Variants in TANC1 observed in about 807,000 individuals in gnomAD.
The protein encoded by TANC1 is protein TANC1.
TANC1 carries 77 observed loss-of-function variants against 149.7 expected under a neutral mutation model. That is an observed-to-expected ratio of 0.51 (90% CI 0.43 to 0.62). The LOEUF is 0.62. Ranked by LOEUF, TANC1 falls within the 20% of genes least tolerant of loss-of-function variation. The pLI is 0.00. For synonymous variants in TANC1, 854 were observed against 925.0 expected (o/e 0.92, Z 1.39); for missense variants, 1,985 against 2,321.8 (o/e 0.85, Z 2.98).
At position 159,231,506 on chromosome 2, in the gene TANC1, T is replaced by A. The variant is rs2151013200; in HGVS notation, c.*494T>A. ...ACATAAAAATTAAGTTCTGAGTGAG[T>A]TCTAGCTAAATATAAGTGCGACTGT... On this transcript the variant is annotated 3_prime_UTR_variant, in exon 27 of 27. Coordinates refer to ENST00000263635, the MANE Select transcript of TANC1 (RefSeq NM_033394.3). The A allele has an allele frequency of 6.4e-6, 1 of 155,666 alleles. No individual in the cohort carries two copies. The highest frequency in any genetic ancestry group is 6.2e-5 in the Admixed American group (1 of 16,064). The allele number at this position is 155,666 out of a possible 1,614,324, so 9.6% of individuals were successfully genotyped here. A position where few individuals can be genotyped will look rare whatever the true frequency, so the allele number is the denominator to read the frequency against.
chr2:159,120,207 T>G (rs1427984914), intron 4 of TANC1, among the ~76,000 whole-genome samples: 1 of 152,158 alleles, frequency 6.6e-6, no homozygotes, highest in Non-Finnish European at 1.5e-5. Context: ...CAATAGTGTA[T>G]GTGCTGTGGG....
chr2:159,101,724 C>T (rs1440714584), intron 4 of TANC1, among the ~76,000 whole-genome samples: 1 of 152,134 alleles, frequency 6.6e-6, no homozygotes, highest in African/African-American at 2.4e-5. Context: ...AAGCTCATTT[C>T]CTGTGATTTA....
intron 14 of TANC1, among the ~76,000 whole-genome samples, chr2:159,180,243 G>C (rs1337749558): frequency 6.6e-6 from 1 of 152,186 alleles, no homozygotes; most frequent in Admixed American, 6.5e-5. Context: ...TAACATCCAG[G>C]TTATTTAGCC....
At chr2:159,007,951 T>A (rs1451712752) in intron 2 of TANC1, among the ~76,000 whole-genome samples, 2 of 152,190 alleles carry the variant, frequency 1.3e-5, no homozygotes, top group African/African-American at 4.8e-5. Flanking sequence ...TGCTGGTACA[T>A]TAATCTTAGT....
rs532281440 is a variant in TANC1, at chr2:159,077,706, A to C, written c.61+11735A>C. Among the ~76,000 whole-genome samples the C allele has an allele frequency of 8.1e-4, 123 of 152,268 alleles. 1 individual carries two copies. The highest frequency in any genetic ancestry group is 2.9e-3 in the African/African-American group (122 of 41,564). Reference sequence around the variant, plus strand: ...GTGTTGCATTGGGTAGTTATAATTTATCTCATTCTTCTGTTGATGGACACT... The same window carrying C: ...GTGTTGCATTGGGTAGTTATAATTTCTCTCATTCTTCTGTTGATGGACACT... On this transcript the variant is annotated intron_variant, in intron 3 of 26. Transcript: ENST00000263635.
chr2:159,095,464 C>T (rs1018786268), intron 3 of TANC1, among the ~76,000 whole-genome samples: 14 of 152,132 alleles, frequency 9.2e-5, no homozygotes, highest in South Asian at 8.3e-4. Flanking sequence ...GCTGGCCAGG[C>T]GCTGTGGCTC....
At chr2:159,124,112 C>T (rs1399624463) in intron 4 of TANC1, among the ~76,000 whole-genome samples, 1 of 152,178 alleles carries the variant, frequency 6.6e-6, no homozygotes, top group Non-Finnish European at 1.5e-5. Flanking sequence ...AATCCCAGCA[C>T]TTTGGGAAGC....
At chr2:159,029,358 C>T (rs984512805) in intron 2 of TANC1, among the ~76,000 whole-genome samples, 25 of 152,186 alleles carry the variant, frequency 1.6e-4, no homozygotes, top group African/African-American at 5.5e-4. Context: ...TGGATAAATA[C>T]CCAGAAATGA....
chr2:159,195,040 A>C (rs1381455162), intron 17 of TANC1, among the ~76,000 whole-genome samples: 2 of 152,228 alleles, frequency 1.3e-5, no homozygotes, highest in Non-Finnish European at 2.9e-5. Flanking sequence ...GCATAACAGC[A>C]GTCCCTACCA....
At chr2:159,196,293 G>T (rs1295443530) in intron 17 of TANC1, among the ~76,000 whole-genome samples, 1 of 152,200 alleles carries the variant, frequency 6.6e-6, no homozygotes, top group Non-Finnish European at 1.5e-5. Flanking sequence ...TTTGTCCGAG[G>T]TTTTGGTCTG....
intron 4 of TANC1, among the ~76,000 whole-genome samples, chr2:159,111,348 A>C (rs2047696238): frequency 6.6e-6 from 1 of 152,226 alleles, no homozygotes; most frequent in Admixed American, 6.5e-5. Context: ...TACTGTTCAA[A>C]GCTGTGCAAC....
Position 159,229,880 on chromosome 2 carries a change from C to T in TANC1, c.4454C>T (p.Ser1485Phe). ...PRSQPSSSVP[S>F]SYIRNLQEGL... is the part of the protein sequence containing the mutation. ...TCCCAGCCATCCTCATCTGTCCCTT[C>T]CTCATACATCCGAAACCTTCAAGAA... Residue 1485 changes from serine to phenylalanine, a missense_variant, in exon 27 of 27, where the codon TCC (serine) becomes TTC (phenylalanine). Coordinates refer to ENST00000263635, the MANE Select transcript of TANC1 (RefSeq NM_033394.3). The T allele has an allele frequency of 1.2e-6, 2 of 1,614,128 alleles. No individual in the cohort carries two copies. The highest frequency in any genetic ancestry group is 1.7e-6 in the Non-Finnish European group (2 of 1,180,044).
At chr2:159,224,597 T>C in intron 23 of TANC1, 1 of 492,652 alleles carries the variant, frequency 2.0e-6, no homozygotes, top group East Asian at 3.4e-5. Context: ...CAGTCTGGAG[T>C]GGTATCAGTG....
intron 3 of TANC1, among the ~76,000 whole-genome samples, chr2:159,095,463 G>T (rs1173042612): frequency 6.6e-6 from 1 of 152,064 alleles, no homozygotes; most frequent in Non-Finnish European, 1.5e-5. Flanking sequence ...TGCTGGCCAG[G>T]CGCTGTGGCT....
intron 19 of TANC1, among the ~76,000 whole-genome samples, chr2:159,201,474 GC>G (rs2058245726): frequency 6.6e-6 from 1 of 152,186 alleles, no homozygotes; most frequent in Non-Finnish European, 1.5e-5. Flanking sequence ...CAAGCCATGG[GC>G]CCCGGGATTC....
chr2:159,059,104 A>AG (rs11370932), intron 2 of TANC1, among the ~76,000 whole-genome samples: 106,113 of 152,072 alleles, frequency 0.7, 37,221 homozygotes, highest in Non-Finnish European at 0.74. Context: ...AGTAGAATAG[A>AG]GTTCAGCTTG....
chr2:159,093,255 T>C (rs889845261), intron 3 of TANC1, among the ~76,000 whole-genome samples: 2 of 152,214 alleles, frequency 1.3e-5, no homozygotes, highest in African/African-American at 2.4e-5. Flanking sequence ...GGGAATAAAA[T>C]AGGTCATAGT....
rs187969388 is a variant in TANC1 at position 159,082,488 on chromosome 2, C to T, written c.62-15149C>T. Among the ~76,000 whole-genome samples, 660 of 152,134 alleles carry T rather than the reference C, an allele frequency of 4.3e-3. 1 individual carries two copies. Among genetic ancestry groups the T allele is most frequent in the Non-Finnish European group, 7.0e-3 (479 of 68,022 alleles). On this transcript the variant is annotated intron_variant, in intron 3 of 26. Transcript: ENST00000263635. ...TATACCATTTTGGCTTGCTTTTCTG[C>T]TCCTTTACACTCTCCTTTTGACCTT...
intron 2 of TANC1, among the ~76,000 whole-genome samples, chr2:159,030,825 G>A (rs991886569): frequency 6.6e-6 from 1 of 152,244 alleles, no homozygotes; most frequent in African/African-American, 2.4e-5. Context: ...AATGCATCCG[G>A]AGGCACTGGG....
Sources: allele counts gnomAD v4.1 joint callset (sites outside exome capture counted in the v4.1 genomes callset), GRCh38; gene constraint gnomAD v4.1.1; transcripts MANE v1.5; gene names NCBI Gene and HGNC (gene_info 2026-07-23, HGNC 2026-07-21).